Variants in RIT2 observed in about 807,000 individuals in gnomAD.
The protein encoded by RIT2 is GTP-binding protein Rit2.
RIT2 carries 24 observed loss-of-function variants against 23.7 expected under a neutral mutation model. That is an observed-to-expected ratio of 1.01 (90% CI 0.73 to 1.43). The LOEUF (loss-of-function observed/expected upper bound fraction) is 1.43. Among genes scored for constraint, RIT2 ranks in the 40% most tolerant of loss-of-function variants. The pLI is 0.00. For missense variants in RIT2, 236 were observed against 266.9 expected, an observed-to-expected ratio of 0.88 and a Z score of 0.81; for synonymous variants, 107 against 91.1, an observed-to-expected ratio of 1.17 and a Z score of -0.99.
intron 4 of RIT2, among the ~76,000 whole-genome samples, chr18:42,854,028 A>G (rs1598684094): frequency 1.3e-5 from 2 of 152,092 alleles, no homozygotes; most frequent in East Asian, 3.9e-4. Flanking sequence ...ACATGGTTTG[A>G]TCCTTTAACT....
chr18:42,790,225 A>G (rs1914011331), intron 4 of RIT2, among the ~76,000 whole-genome samples: 2 of 152,172 alleles, frequency 1.3e-5, no homozygotes, highest in African/African-American at 4.8e-5. Context: ...TTTCCCTGCA[A>G]TTTGAAAGCC....
chr18:43,105,490 G>GAAGAGAGGAAGGGAGGAAGGA lies in RIT2; in HGVS notation c.103+9926_103+9927insTCCTTCCTCCCTTCCTCTCTT, dbSNP rs1568083814. 1.8e-3 allele frequency among the ~76,000 whole-genome samples: 218 copies of GAAGAGAGGAAGGGAGGAAGGA among 118,308 alleles called. 7 individuals are homozygous for GAAGAGAGGAAGGGAGGAAGGA. Among genetic ancestry groups the GAAGAGAGGAAGGGAGGAAGGA allele is most frequent in the African/African-American group, 6.8e-3 (205 of 30,212 alleles). 77.6% of individuals were successfully genotyped at this position (118,308 alleles called of 152,430 possible). A position where few individuals can be genotyped will look rare whatever the true frequency, so the allele number is the denominator to read the frequency against. On this transcript the variant is annotated intron_variant, in intron 1 of 4. Transcript: ENST00000326695. ...GGAGGAAGAGAGGAAGGGAGGAAGG[G>GAAGAGAGGAAGGGAGGAAGGA]AGGAAGAAAGGGAGGGAGGGAGGGA...
intron 4 of RIT2, among the ~76,000 whole-genome samples, chr18:42,777,167 G>A (rs1016874787): frequency 3.3e-5 from 5 of 151,938 alleles, no homozygotes; most frequent in African/African-American, 1.2e-4. Flanking sequence ...TAAAAATTTG[G>A]GGGCAGGAGA....
At chr18:42,801,844 C>CA (rs2143963219) in intron 4 of RIT2, among the ~76,000 whole-genome samples, 1 of 152,208 alleles carries the variant, frequency 6.6e-6, no homozygotes, top group Non-Finnish European at 1.5e-5. Flanking sequence ...TTACAATACA[C>CA]AAAAATGTTA....
intron 1 of RIT2, among the ~76,000 whole-genome samples, chr18:43,092,549 G>A (rs1187758758): frequency 6.6e-6 from 1 of 151,992 alleles, no homozygotes; most frequent in Non-Finnish European, 1.5e-5. Flanking sequence ...ACAGTCTCAA[G>A]ATTAACTGAG....
At chr18:42,828,741 A>T (rs1906375797) in intron 4 of RIT2, among the ~76,000 whole-genome samples, 2 of 152,176 alleles carry the variant, frequency 1.3e-5, no homozygotes, top group Admixed American at 1.3e-4. Context: ...GATTCATAGC[A>T]TATTCTATTC....
At chr18:43,003,022 G>A (rs975264183) in intron 2 of RIT2, among the ~76,000 whole-genome samples, 2 of 151,888 alleles carry the variant, frequency 1.3e-5, no homozygotes, top group Non-Finnish European at 2.9e-5. Context: ...AAAAAAGCAA[G>A]GCATGCAGGG....
In RIT2 at chr18:42,878,069, A is replaced by T. The variant is rs73471657; in HGVS notation, c.426+45503T>A. Among the ~76,000 whole-genome samples the T allele has an allele frequency of 2.0e-5, 3 of 151,104 alleles. No individual in the cohort carries two copies. In the East Asian group the frequency reaches 5.8e-4, roughly 29 times the overall value. On this transcript the variant is annotated intron_variant, in intron 4 of 4. Coordinates refer to ENST00000326695, the MANE Select transcript of RIT2 (RefSeq NM_002930.4). ...AGTATTTCGGATAAGAGATACTCAAACTGTATAAGCATATTCATATACATA... is the reference window on the plus strand; with the variant it reads ...AGTATTTCGGATAAGAGATACTCAATCTGTATAAGCATATTCATATACATA...
intron 4 of RIT2, among the ~76,000 whole-genome samples, chr18:42,797,923 A>G (rs377037984): frequency 6.6e-6 from 1 of 152,190 alleles, no homozygotes; most frequent in African/African-American, 2.4e-5. Context: ...GAAACATGCC[A>G]CTGTTCTTGG....
At chr18:43,086,670 G>A (rs550614159) in intron 1 of RIT2, among the ~76,000 whole-genome samples, 11 of 152,214 alleles carry the variant, frequency 7.2e-5, no homozygotes, top group African/African-American at 1.4e-4. Context: ...AGGGGCTCCC[G>A]TGACCAGTGA....
At chr18:42,792,168 A>C (rs1237712891) in intron 4 of RIT2, among the ~76,000 whole-genome samples, 1 of 152,190 alleles carries the variant, frequency 6.6e-6, no homozygotes, top group Admixed American at 6.5e-5. Context: ...AAAAAAACTC[A>C]TCTATGTCTT....
chr18:42,849,075 A>G (rs1474643047), intron 4 of RIT2, among the ~76,000 whole-genome samples: 2 of 152,166 alleles, frequency 1.3e-5, no homozygotes, highest in Non-Finnish European at 2.9e-5. Flanking sequence ...TCAGATGAGG[A>G]AACAGACCTA....
intron 4 of RIT2, among the ~76,000 whole-genome samples, chr18:42,774,853 A>C (rs1008559820): frequency 1.3e-5 from 2 of 152,190 alleles, no homozygotes; most frequent in Non-Finnish European, 2.9e-5. Context: ...TGATGGAAAC[A>C]TGAGCACGAC....
At chr18:42,758,486 C>CTT (rs1913218185) in intron 4 of RIT2, among the ~76,000 whole-genome samples, 5 of 8,842 alleles carry the variant, frequency 5.7e-4, no homozygotes, top group African/African-American at 7.7e-4. Flanking sequence ...ACATTCTAAT[C>CTT]CTTTTTTTTT....
chr18:42,937,847 T>A (rs1204021813), intron 3 of RIT2, among the ~76,000 whole-genome samples: 1 of 152,132 alleles, frequency 6.6e-6, no homozygotes, highest in Non-Finnish European at 1.5e-5. Flanking sequence ...TTGTAACTAT[T>A]TAGGGAGATA....
intron 3 of RIT2, among the ~76,000 whole-genome samples, chr18:42,954,767 A>G (rs1179928749): frequency 6.6e-6 from 1 of 152,110 alleles, no homozygotes; most frequent in Non-Finnish European, 1.5e-5. Context: ...TCCAGCCCAT[A>G]CCGTGAATTT....
chr18:43,049,187 A>T (rs897996022), intron 1 of RIT2, among the ~76,000 whole-genome samples: 3 of 152,182 alleles, frequency 2.0e-5, no homozygotes, highest in Non-Finnish European at 4.4e-5. Flanking sequence ...TGGCTTGTGA[A>T]ATTCCAAAGA....
chr18:43,026,414 T>G (rs1469430773), intron 2 of RIT2, among the ~76,000 whole-genome samples: 1 of 150,864 alleles, frequency 6.6e-6, no homozygotes, highest in Non-Finnish European at 1.5e-5. Flanking sequence ...ATTAGCTGGG[T>G]GTGGTGGTGC....
intron 1 of RIT2, among the ~76,000 whole-genome samples, chr18:43,060,076 C>A (rs558574141): frequency 3.3e-5 from 5 of 152,168 alleles, no homozygotes; most frequent in Admixed American, 3.3e-4. Context: ...AGCATATTAA[C>A]TAAATAATTA....
Sources: allele counts gnomAD v4.1 joint callset (sites outside exome capture counted in the v4.1 genomes callset), GRCh38; gene constraint gnomAD v4.1.1; transcripts MANE v1.5; gene names NCBI Gene and HGNC (gene_info 2026-07-23, HGNC 2026-07-21).